KLF7: variants seen among roughly 807,000 people sequenced by gnomAD.
KLF7 encodes the protein KLF transcription factor 7.
A neutral mutation model predicts 27.3 loss-of-function variants in KLF7; 2 were observed. That is an observed-to-expected ratio of 0.07 (90% CI 0.03 to 0.23). The LOEUF is 0.23. Ranked by LOEUF, KLF7 falls within the 10% of genes least tolerant of loss-of-function variation. KLF7 has a pLI of 1.00. For missense variants in KLF7, 221 were observed against 394.1 expected (o/e 0.56, Z 3.72); for synonymous variants, 165 against 162.4 (o/e 1.02, Z -0.12).
chr2:207,152,715 A>C (rs2078279341), intron 1 of KLF7, among the ~76,000 whole-genome samples: 1 of 152,204 alleles, frequency 6.6e-6, no homozygotes, highest in South Asian at 2.1e-4. Flanking sequence ...ATCTAAAAGG[A>C]AATGAAAATG....
chr2:207,124,499 G>A (rs765189881), intron 1 of KLF7, 95 bp from the exon 2 acceptor site: 8 of 1,273,896 alleles, frequency 6.3e-6, no homozygotes, highest in Non-Finnish European at 8.7e-6. Flanking sequence ...GGTGCAGAGA[G>A]AATGGTGTCA....
Position 207,165,799 on chromosome 2 carries a change from G to A in KLF7, c.-231C>T, listed in dbSNP as rs984288040. On this transcript the variant is annotated 5_prime_UTR_variant, in exon 1 of 4. In the 5' UTR this introduces an upstream ATG that the reference lacks. Transcript: ENST00000309446. ...GGGTGGATGGAGAGAGGCATCCAGC[G>A]TGTACAGTGCAGACGACTGCCAGGA... is the stretch of plus-strand genomic sequence containing the variant. 2 of 1,418,910 alleles carry A rather than the reference G, an allele frequency of 1.4e-6. No individual in the cohort carries two copies. The highest frequency in any genetic ancestry group is 1.8e-6 in the Non-Finnish European group (2 of 1,090,916). 87.9% of individuals were successfully genotyped at this position (1,418,910 alleles called of 1,614,324 possible). A position where few individuals can be genotyped will look rare whatever the true frequency, so the allele number is the denominator to read the frequency against.
chr2:207,095,378 A>G (rs974454200), intron 2 of KLF7, among the ~76,000 whole-genome samples: 1 of 152,220 alleles, frequency 6.6e-6, no homozygotes, highest in Admixed American at 6.5e-5. Context: ...CTAAAAAACA[A>G]TAACTGGTCC....
chr2:207,082,411 C>G (rs1391378623), intron 3 of KLF7, among the ~76,000 whole-genome samples: 2 of 152,080 alleles, frequency 1.3e-5, no homozygotes, highest in African/African-American at 4.8e-5. Context: ...TAGAAAGAGT[C>G]CAGATGATAA....
At chr2:207,119,757 G>A (rs1249987034) in intron 2 of KLF7, among the ~76,000 whole-genome samples, 1 of 152,158 alleles carries the variant, frequency 6.6e-6, no homozygotes, top group East Asian at 1.9e-4. Context: ...AGGCTGGAGT[G>A]CAGTGACGCA....
rs543269662 is a variant in KLF7 at position 207,135,782 on chromosome 2, T to C, written c.103-11378A>G. ...ACGTCAGTATTTTCAGATTTAACTA[T>C]AGGTGTTATTTACTTGTCTCTAACG... On this transcript the variant is annotated intron_variant, in intron 1 of 3. Transcript: ENST00000309446. Among the ~76,000 whole-genome samples the C allele has an allele frequency of 5.3e-5, 8 of 152,164 alleles. No individual in the cohort carries two copies. In the South Asian group the frequency reaches 6.2e-4, roughly 12 times the overall value.
intron 1 of KLF7, among the ~76,000 whole-genome samples, chr2:207,154,725 A>T (rs1439060651): frequency 1.3e-5 from 2 of 152,216 alleles, no homozygotes; most frequent in Admixed American, 6.5e-5. Flanking sequence ...TGTGCCAGAC[A>T]CTAGGTCAGA....
intron 2 of KLF7, among the ~76,000 whole-genome samples, chr2:207,117,538 A>T (rs994654097): frequency 2.6e-5 from 4 of 152,212 alleles, no homozygotes; most frequent in Non-Finnish European, 4.4e-5. Flanking sequence ...CTTCATTAGC[A>T]GCCATGTGTC....
At chr2:207,145,443 A>G (rs2078072982) in intron 1 of KLF7, among the ~76,000 whole-genome samples, 1 of 152,252 alleles carries the variant, frequency 6.6e-6, no homozygotes, top group African/African-American at 2.4e-5. Flanking sequence ...TGAAAATTAC[A>G]GGTAGATACA....
chr2:207,108,967 T>C (rs17216605), intron 2 of KLF7, among the ~76,000 whole-genome samples: 7,584 of 152,298 alleles, frequency 0.05, 267 homozygotes, highest in Middle Eastern at 0.092. Flanking sequence ...CATCCATAGA[T>C]TCCTTTGAAT....
At chr2:207,144,976 A>C (rs1231426119) in intron 1 of KLF7, among the ~76,000 whole-genome samples, 2 of 152,212 alleles carry the variant, frequency 1.3e-5, no homozygotes, top group Admixed American at 1.3e-4. Flanking sequence ...ACCAAGCCAG[A>C]ATCAGACAAA....
rs1378688567 is a variant in KLF7 at position 207,078,644 on chromosome 2, T to C, written c.*2569A>G. On this transcript the variant is annotated 3_prime_UTR_variant, in exon 4 of 4. Coordinates refer to ENST00000309446, the MANE Select transcript of KLF7 (RefSeq NM_003709.4). Reference sequence around the variant, plus strand: ...CACTGGCGTGTGCGTGCATTCATGCTGGAGGCTGCTACATAAAGGAAAAGA... The same window carrying C: ...CACTGGCGTGTGCGTGCATTCATGCCGGAGGCTGCTACATAAAGGAAAAGA... 6.6e-6 allele frequency: 1 copy of C among 152,240 alleles called. No individual in the cohort carries two copies. The highest frequency in any genetic ancestry group is 1.9e-4 in the East Asian group (1 of 5,202). 9.4% of individuals were successfully genotyped at this position (152,240 alleles called of 1,614,324 possible).
intron 2 of KLF7, among the ~76,000 whole-genome samples, chr2:207,088,903 C>G (rs963103448): frequency 1.3e-5 from 2 of 152,160 alleles, no homozygotes; most frequent in African/African-American, 4.8e-5. Context: ...TTTCGATTCC[C>G]CGGAGCACTT....
chr2:207,141,326 C>T (rs1013265656), intron 1 of KLF7, among the ~76,000 whole-genome samples: 4 of 152,186 alleles, frequency 2.6e-5, no homozygotes, highest in Non-Finnish European at 5.9e-5. Flanking sequence ...AGACCACATA[C>T]TTGTCCTTAG....
At chr2:207,132,415 A>G (rs1574525551) in intron 1 of KLF7, among the ~76,000 whole-genome samples, 2 of 152,334 alleles carry the variant, frequency 1.3e-5, no homozygotes, top group East Asian at 3.9e-4. Context: ...TTAAATCTAA[A>G]CAAACATGAA....
chr2:207,094,178 G>A lies in KLF7; in HGVS notation c.734-5597C>T, dbSNP rs77674052. On this transcript the variant is annotated intron_variant, in intron 2 of 3. Coordinates refer to ENST00000309446, the MANE Select transcript of KLF7 (RefSeq NM_003709.4). ...AGAGTGTAGCATAAAATATGAACACGTGGCAGAATCTTGCACTCAAGGTTT... is the reference window on the plus strand; with the variant it reads ...AGAGTGTAGCATAAAATATGAACACATGGCAGAATCTTGCACTCAAGGTTT... Among the ~76,000 whole-genome samples, 93 of 152,262 alleles carry A rather than the reference G, an allele frequency of 6.1e-4. 1 individual carries two copies. In the East Asian group the frequency reaches 0.016, roughly 26 times the overall value.
At chr2:207,166,042 C>G, upstream of KLF7, 3 of 356,532 alleles carry the variant, frequency 8.4e-6, no homozygotes, top group Non-Finnish European at 1.1e-5. Flanking sequence ...TCCCTCCCCA[C>G]CCCCCACCCC....
chr2:207,110,890 A>C (rs1044381715), intron 2 of KLF7, among the ~76,000 whole-genome samples: 7 of 152,202 alleles, frequency 4.6e-5, no homozygotes, highest in Non-Finnish European at 7.3e-5. Flanking sequence ...ACAGAGAAGA[A>C]GACAGCTAAG....
In KLF7 at chr2:207,074,479, T is replaced by C. The variant is rs1287985974; in HGVS notation, c.*6734A>G. ...TTTCCCTGGGGCTTTCATCTCCCTC[T>C]CTTCTCTGGGTCTGAAGCTGCTTGT... On this transcript the variant is annotated 3_prime_UTR_variant, in exon 4 of 4. Transcript: ENST00000309446. 1 of 152,254 alleles carries C rather than the reference T, an allele frequency of 6.6e-6. No homozygotes were observed. The highest frequency in any genetic ancestry group is 2.4e-5 in the African/African-American group (1 of 41,444). 9.4% of individuals were successfully genotyped at this position (152,254 alleles called of 1,614,324 possible).
Sources: allele counts gnomAD v4.1 joint callset (sites outside exome capture counted in the v4.1 genomes callset), GRCh38; gene constraint gnomAD v4.1.1; transcripts MANE v1.5; gene names NCBI Gene and HGNC (gene_info 2026-07-23, HGNC 2026-07-21).